The following ADAMTS18 variants were observed in gnomAD, a reference collection of about 807,000 sequenced individuals.
ADAMTS18 encodes the protein A disintegrin and metalloproteinase with thrombospondin motifs 18.
In ADAMTS18, 157 loss-of-function variants were observed where a neutral mutation model predicts 165.9. The ratio of observed to expected loss-of-function variants is 0.95; its 90% CI spans 0.83 to 1.08. ADAMTS18 has a LOEUF of 1.08. ADAMTS18 is among the 50% of genes least tolerant of loss of function. ADAMTS18 has a pLI of 0.00. For synonymous variants in ADAMTS18, 782 were observed against 578.2 expected (o/e 1.35, Z -5.06); for missense variants, 2,040 against 1,534.0 (o/e 1.33, Z -5.51).
At chr16:77,405,809 C>T (rs2057386664) in intron 3 of ADAMTS18, among the ~76,000 whole-genome samples, 1 of 152,074 alleles carries the variant, frequency 6.6e-6, no homozygotes, top group Non-Finnish European at 1.5e-5. Context: ...GGTATCTCTC[C>T]CTCTTCTTAT....
At position 77,330,953 on chromosome 16, in the gene ADAMTS18, C is replaced by G. The variant is rs572273123; in HGVS notation, c.1859+4803G>C. On this transcript the variant is annotated intron_variant, in intron 12 of 22. Transcript: ENST00000282849. ...GGGAGAAAAAACAGCATTACTGCAACAGAGTGAAATAAGAACAGAGACAGA... is the reference window on the plus strand; with the variant it reads ...GGGAGAAAAAACAGCATTACTGCAAGAGAGTGAAATAAGAACAGAGACAGA... Among the ~76,000 whole-genome samples, 23 of 152,258 alleles carry G rather than the reference C, an allele frequency of 1.5e-4. No individual in the cohort carries two copies. In the South Asian group the frequency reaches 4.6e-3, roughly 30 times the overall value.
Position 77,341,750 on chromosome 16 carries a change from G to T in ADAMTS18, c.1664C>A (p.Thr555Asn), listed in dbSNP as rs1184795045. Residue 555 changes from threonine to asparagine, a missense_variant, in exon 11 of 23, where the codon ACC becomes AAC. Physicochemically the swap from Thr to Asn is moderately conservative, Grantham distance 65 (BLOSUM62 0). Transcript: ENST00000282849. ...WCHRVGHRCE[T>N]KFMPAAEGTV... ...CCCTTCTGCTGCGGGCATAAACTTG[G>T]TCTCACACCTGTGGCCTACTCGGTG... 5 of 1,613,456 alleles carry T rather than the reference G, an allele frequency of 3.1e-6. No individual in the cohort carries two copies. The highest frequency in any genetic ancestry group is 3.4e-6 in the Non-Finnish European group (4 of 1,179,844).
intron 3 of ADAMTS18, among the ~76,000 whole-genome samples, chr16:77,403,331 T>A (rs1349238023): frequency 6.6e-6 from 1 of 151,932 alleles, no homozygotes; most frequent in Non-Finnish European, 1.5e-5. Context: ...TTAATCCACA[T>A]AATGAAATTT....
chr16:77,326,643 A>G (rs1597126112), intron 12 of ADAMTS18, among the ~76,000 whole-genome samples: 1 of 152,198 alleles, frequency 6.6e-6, no homozygotes, highest in East Asian at 1.9e-4. Flanking sequence ...TCAGGCTCCC[A>G]AAGTGTGGGG....
intron 3 of ADAMTS18, among the ~76,000 whole-genome samples, chr16:77,426,973 C>T (rs2057681405): frequency 6.6e-6 from 1 of 152,126 alleles, no homozygotes; most frequent in African/African-American, 2.4e-5. Context: ...ATGATTATAC[C>T]ACTGTACTCA....
intron 3 of ADAMTS18, among the ~76,000 whole-genome samples, chr16:77,388,310 G>A (rs1046962625): frequency 7.9e-5 from 12 of 152,140 alleles, no homozygotes; most frequent in African/African-American, 2.2e-4. Flanking sequence ...ATGTTGGCCA[G>A]ACTAGGTCTG....
At chr16:77,285,984 T>G (rs908352089) in intron 22 of ADAMTS18, among the ~76,000 whole-genome samples, 5 of 150,528 alleles carry the variant, frequency 3.3e-5, no homozygotes, top group Non-Finnish European at 7.4e-5. Context: ...TGCTCTTCTC[T>G]TCTGCTCAAA....
Position 77,367,444 on chromosome 16 carries a change from T to A in ADAMTS18, c.775A>T (p.Lys259Ter). The A allele has an allele frequency of 6.2e-7, 1 of 1,614,168 alleles. No individual in the cohort carries two copies. The highest frequency in any genetic ancestry group is 8.5e-7 in the Non-Finnish European group (1 of 1,180,034). Residue 259 changes from lysine to a stop codon, truncating the protein, a stop_gained, in exon 4 of 23, where the codon AAA (lysine) becomes TAA (stop). Transcript: ENST00000282849. LOFTEE classifies it high-confidence loss of function. ...AAGAAAAAGTTTCCTTACATACATT[T>A]CTTGCGTCGTCCACAAAAATGCTGC... ...QKQHFCGRRK[K>*]YAPKPPTEDT...
At chr16:77,363,944 C>G in intron 5 of ADAMTS18, 59 bp from the exon 6 acceptor site, 1 of 1,500,568 alleles carries the variant, frequency 6.7e-7, no homozygotes. Context: ...TAGGGGGAAT[C>G]AATCAGACAT....
At chr16:77,337,993 TCC>T (rs1301480669) in intron 11 of ADAMTS18, among the ~76,000 whole-genome samples, 1 of 150,318 alleles carries the variant, frequency 6.7e-6, no homozygotes, top group Non-Finnish European at 1.5e-5. Flanking sequence ...AACCTCCGCC[TCC>T]CAGGTTCAAG....
At position 77,335,680 on chromosome 16, in the gene ADAMTS18, A is replaced by G; in HGVS notation, c.1859+76T>C. 1.9e-6 allele frequency: 3 copies of G among 1,559,056 alleles called. No homozygotes were observed. The Admixed American group carries it at 5.0e-5, about 26-fold the overall frequency. ...AAAAATAAAAAAATAAACTTAAAGT[A>G]TGAACAAGAAAAACCAGCGTGTTAC... On this transcript the variant is annotated intron_variant, in intron 12 of 22. Coordinates refer to ENST00000282849, the MANE Select transcript of ADAMTS18 (RefSeq NM_199355.4).
intron 4 of ADAMTS18, 146 bp downstream of exon 4, chr16:77,367,295 T>C: frequency 2.4e-6 from 2 of 838,338 alleles, no homozygotes; most frequent in South Asian, 1.5e-5. Flanking sequence ...AGCATTTGCC[T>C]GAGAGAGATA....
chr16:77,291,136 C>G, intron 21 of ADAMTS18, 130 bp downstream of exon 21: 2 of 1,018,060 alleles, frequency 2.0e-6, no homozygotes, highest in East Asian at 2.6e-5. Flanking sequence ...CCCATTCTGC[C>G]TTCAGAACTT....
intron 17 of ADAMTS18, among the ~76,000 whole-genome samples, chr16:77,299,177 C>T (rs531701915): frequency 2.0e-5 from 3 of 152,308 alleles, no homozygotes; most frequent in Admixed American, 1.3e-4. Context: ...CAGAGGGATA[C>T]AAAATGATAC....
chr16:77,344,845 A>G (rs549344294), intron 10 of ADAMTS18, among the ~76,000 whole-genome samples: 3 of 152,320 alleles, frequency 2.0e-5, no homozygotes, highest in African/African-American at 7.2e-5. Context: ...ATTATAGCCA[A>G]CTACATACTC....
At chr16:77,404,424 G>A (rs1451681750) in intron 3 of ADAMTS18, among the ~76,000 whole-genome samples, 1 of 152,024 alleles carries the variant, frequency 6.6e-6, no homozygotes, top group Non-Finnish European at 1.5e-5. Flanking sequence ...ACATACCTAG[G>A]ATTTCTCTAT....
At chr16:77,424,278 G>T (rs996328639) in intron 3 of ADAMTS18, among the ~76,000 whole-genome samples, 2 of 152,140 alleles carry the variant, frequency 1.3e-5, no homozygotes, top group Non-Finnish European at 2.9e-5. Flanking sequence ...AGACCAGCCT[G>T]ACCAACATGG....
chr16:77,323,004 G>A (rs1362346723), intron 13 of ADAMTS18, among the ~76,000 whole-genome samples: 1 of 151,456 alleles, frequency 6.6e-6, no homozygotes, highest in African/African-American at 2.4e-5. Context: ...AACATATAGA[G>A]AAAAAAAACC....
At chr16:77,377,133 C>T (rs2454942) in intron 3 of ADAMTS18, among the ~76,000 whole-genome samples, 1 of 152,152 alleles carries the variant, frequency 6.6e-6, no homozygotes, top group Non-Finnish European at 1.5e-5. Context: ...CAAAATAATT[C>T]TTAAAGGACT....
Sources: gnomAD v4.1 joint callset for allele counts (sites outside exome capture counted in the v4.1 genomes callset) on GRCh38, gnomAD v4.1.1 for gene constraint, MANE v1.5 for transcripts, NCBI Gene and HGNC (gene_info 2026-07-23, HGNC 2026-07-21) for gene names.